Variants in HECW2 observed in about 807,000 individuals in gnomAD.
HECW2 encodes the protein E3 ubiquitin-protein ligase HECW2.
In HECW2, 61 loss-of-function variants were observed where a neutral mutation model predicts 175.2. The ratio of observed to expected loss-of-function variants is 0.35; its 90% CI spans 0.28 to 0.43. The LOEUF is 0.43. Ranked by LOEUF, HECW2 falls within the 20% of genes least tolerant of loss-of-function variation. The probability of loss-of-function intolerance (pLI) is 1.00; values close to 1 mark genes in which losing one functional copy is unlikely to be tolerated. For missense variants in HECW2, 1,524 were observed against 2,000.5 expected (o/e 0.76, Z 4.54); for synonymous variants, 671 against 731.0 (o/e 0.92, Z 1.32).
rs746181945 is a variant in HECW2 at position 196,426,233 on chromosome 2, A to C, written c.292+6899T>G. Among the ~76,000 whole-genome samples the C allele has an allele frequency of 2.6e-5, 4 of 152,306 alleles. No individual in the cohort carries two copies. The South Asian group carries it at 8.3e-4, about 32-fold the overall frequency. On this transcript the variant is annotated intron_variant, in intron 2 of 28. Coordinates refer to ENST00000644978, the MANE Select transcript of HECW2 (RefSeq NM_001348768.2). ...ACACACAACTTTTATATGCACTGAG[A>C]AACCAAAAAACTGTGACTGGCTTTA... is the stretch of plus-strand genomic sequence containing the variant.
intron 1 of HECW2, among the ~76,000 whole-genome samples, chr2:196,580,202 A>G (rs995871687): frequency 6.6e-6 from 1 of 151,656 alleles, no homozygotes; most frequent in Non-Finnish European, 1.5e-5. Context: ...TGACAAAGCT[A>G]AAGGGAGAAA....
intron 1 of HECW2, among the ~76,000 whole-genome samples, chr2:196,491,256 T>G (rs1687173052): frequency 6.6e-6 from 1 of 151,820 alleles, no homozygotes; most frequent in Non-Finnish European, 1.5e-5. Flanking sequence ...CCTAGCACTT[T>G]GGGAGGCCAA....
At chr2:196,232,061 G>C (rs887354724) in intron 21 of HECW2, among the ~76,000 whole-genome samples, 2 of 152,142 alleles carry the variant, frequency 1.3e-5, no homozygotes, top group Non-Finnish European at 2.9e-5. Flanking sequence ...AGAATACTAA[G>C]TGTGAGGCAC....
intron 1 of HECW2, among the ~76,000 whole-genome samples, chr2:196,536,296 G>A (rs1281643039): frequency 1.3e-5 from 2 of 152,082 alleles, no homozygotes; most frequent in African/African-American, 4.8e-5. Flanking sequence ...AGTTTTCTTG[G>A]TACACCTAGG....
intron 2 of HECW2, among the ~76,000 whole-genome samples, chr2:196,397,815 C>T (rs560958259): frequency 1.3e-5 from 2 of 152,314 alleles, no homozygotes; most frequent in South Asian, 4.1e-4. Context: ...CATTGTTTCC[C>T]AAATGCTTCC....
intron 1 of HECW2, among the ~76,000 whole-genome samples, chr2:196,457,420 C>A (rs1012827739): frequency 3.3e-5 from 5 of 152,228 alleles, no homozygotes; most frequent in Non-Finnish European, 7.3e-5. Context: ...ACTGTCACCT[C>A]TTAACTATAC....
chr2:196,233,839 G>A (rs1469800019), intron 21 of HECW2, among the ~76,000 whole-genome samples: 2 of 152,180 alleles, frequency 1.3e-5, no homozygotes, highest in African/African-American at 2.4e-5. Flanking sequence ...GCCTCAAACA[G>A]CTTCTAGTGA....
chr2:196,391,586 A>T (rs774444812), intron 2 of HECW2, among the ~76,000 whole-genome samples: 1 of 152,098 alleles, frequency 6.6e-6, no homozygotes, highest in South Asian at 2.1e-4. Flanking sequence ...CTACTTTTCA[A>T]AGTTTAGTTC....
At chr2:196,465,455 G>A (rs191404710) in intron 1 of HECW2, among the ~76,000 whole-genome samples, 20 of 152,064 alleles carry the variant, frequency 1.3e-4, no homozygotes, top group Admixed American at 3.9e-4. Context: ...TTAGTCCTCC[G>A]AAGTAGGAAT....
intron 2 of HECW2, chr2:196,362,044 C>A (rs537123511): frequency 1.0e-6 from 1 of 985,242 alleles, no homozygotes; most frequent in South Asian, 4.7e-5. Flanking sequence ...TTCCTCTTCC[C>A]CCAAAGTTCT....
chr2:196,237,530 T>C (rs1688298271), intron 21 of HECW2, among the ~76,000 whole-genome samples: 1 of 152,226 alleles, frequency 6.6e-6, no homozygotes, highest in Admixed American at 6.5e-5. Context: ...TTCGTTCCTT[T>C]TTATGGTTGA....
chr2:196,398,419 A>G (rs765559607), intron 2 of HECW2, among the ~76,000 whole-genome samples: 5 of 152,252 alleles, frequency 3.3e-5, no homozygotes, highest in Non-Finnish European at 5.9e-5. Flanking sequence ...AAAACAAGAG[A>G]TATTGCCATA....
At chr2:196,545,771 C>G (rs1391104272) in intron 1 of HECW2, among the ~76,000 whole-genome samples, 2 of 152,140 alleles carry the variant, frequency 1.3e-5, no homozygotes, top group Admixed American at 1.3e-4. Flanking sequence ...TCCCCTGTTC[C>G]CAAGTTCTTA....
intron 1 of HECW2, among the ~76,000 whole-genome samples, chr2:196,464,426 A>C (rs1402196276): frequency 6.6e-6 from 1 of 152,214 alleles, no homozygotes; most frequent in Non-Finnish European, 1.5e-5. Flanking sequence ...CCAAAACTAA[A>C]GCAGATCCTG....
intron 13 of HECW2, among the ~76,000 whole-genome samples, chr2:196,294,242 T>C (rs765014383): frequency 6.6e-6 from 1 of 152,206 alleles, no homozygotes; most frequent in Non-Finnish European, 1.5e-5. Context: ...TATTGCATAA[T>C]ACCATGCACA....
chr2:196,447,491 T>G (rs540363608), intron 1 of HECW2, among the ~76,000 whole-genome samples: 1 of 152,258 alleles, frequency 6.6e-6, no homozygotes, highest in South Asian at 2.1e-4. Context: ...ATTCAGGAAT[T>G]CATAAAAGTC....
chr2:196,518,523 G>A (rs1306194417), intron 1 of HECW2, among the ~76,000 whole-genome samples: 1 of 151,810 alleles, frequency 6.6e-6, no homozygotes, highest in African/African-American at 2.4e-5. Context: ...GGGCATGGTG[G>A]CAGTGCCTGT....
At chr2:196,388,317 T>C (rs912301510) in intron 2 of HECW2, among the ~76,000 whole-genome samples, 1 of 152,152 alleles carries the variant, frequency 6.6e-6, no homozygotes, top group Non-Finnish European at 1.5e-5. Context: ...ATTTTCTTAT[T>C]ATAATTGTAC....
rs150957224 is a variant in HECW2 at position 196,591,779 on chromosome 2, A to G, written c.-36+1729T>C. Among the ~76,000 whole-genome samples, 92 of 152,340 alleles carry G rather than the reference A, an allele frequency of 6.0e-4. No homozygotes were observed. The East Asian group carries it at 9.4e-3, about 16-fold the overall frequency. On this transcript the variant is annotated intron_variant, in intron 1 of 28. Coordinates refer to ENST00000644978, the MANE Select transcript of HECW2 (RefSeq NM_001348768.2). ...CAATCCCCGCAGGAATCTTCTGATG[A>G]CCAAACAGATTAGCAAACTCCAGAT...
Sources: gnomAD v4.1 joint callset for allele counts (sites outside exome capture counted in the v4.1 genomes callset) on GRCh38, gnomAD v4.1.1 for gene constraint, MANE v1.5 for transcripts, NCBI Gene and HGNC (gene_info 2026-07-23, HGNC 2026-07-21) for gene names.